WDR4: variants seen among roughly 807,000 people sequenced by gnomAD.
WDR4 encodes the protein WDR4 tRNA N7-guanosine methyltransferase non-catalytic subunit.
Under a neutral mutation model 48.6 loss-of-function variants are expected in WDR4, and 47 were observed. That is an observed-to-expected ratio of 0.97 (90% CI 0.77 to 1.23). WDR4 has a LOEUF of 1.23. WDR4 is among the 50% of genes most tolerant of loss of function. The pLI is 0.00. For missense variants in WDR4, 606 were observed against 551.6 expected, an observed-to-expected ratio of 1.10 and a Z score of -0.99; for synonymous variants, 268 against 230.0, an observed-to-expected ratio of 1.17 and a Z score of -1.49.
intron 6 of WDR4, among the ~76,000 whole-genome samples, chr21:42,857,935 T>G (rs2058032879): frequency 6.6e-6 from 1 of 151,844 alleles, no homozygotes; most frequent in African/African-American, 2.4e-5. Context: ...TACAAAAGTA[T>G]AAAAAATTAG....
chr21:42,874,235 G>A (rs919869627), intron 2 of WDR4, among the ~76,000 whole-genome samples: 3 of 152,150 alleles, frequency 2.0e-5, no homozygotes, highest in Admixed American at 6.5e-5. Flanking sequence ...CATAAATTGT[G>A]AAGATTTCAT....
rs2057905119 is a variant in WDR4, at chr21:42,853,742, C to T, written c.802G>A (p.Val268Ile). ...VALLCDGTPV[V>I]YIFQLDARRQ... The stretch of plus-strand genomic sequence containing the variant: ...CGGGCGTCCAGCTGGAAGATGTAGA[C>T]CACAGGAGTGCTTGCCACGAAGAAA... The change falls in exon 9 of 11, where the codon GTC becomes ATC. Residue 268 changes from valine (V) to isoleucine (I), a missense_variant. By Grantham distance (29) the Val-to-Ile change is conservative (BLOSUM62 3). Transcript: ENST00000398208. 1 of 1,556,860 alleles carries T rather than the reference C, an allele frequency of 6.4e-7. No individual in the cohort carries two copies. Among genetic ancestry groups the T allele is most frequent in the Non-Finnish European group, 8.7e-7 (1 of 1,150,276 alleles).
At chr21:42,845,473 T>C (rs1386647377), downstream of WDR4, among the ~76,000 whole-genome samples, 2 of 152,234 alleles carry the variant, frequency 1.3e-5, no homozygotes, top group East Asian at 1.9e-4. Context: ...GTAACCTTTG[T>C]AGGCTGGCTG....
At chr21:42,850,965 G>A (rs1173238764) in intron 10 of WDR4, among the ~76,000 whole-genome samples, 1 of 152,190 alleles carries the variant, frequency 6.6e-6, no homozygotes, top group East Asian at 1.9e-4. Context: ...TGCCCATCCA[G>A]CAGGTGGCGC....
At chr21:42,887,040 T>G in the WDR4 span, 1 of 152,366 alleles carries the variant, frequency 6.6e-6, no homozygotes, top group Non-Finnish European at 1.5e-5. Context: ...TTGCCCAGGC[T>G]GGAGTGCAAT....
upstream of WDR4, among the ~76,000 whole-genome samples, chr21:42,880,816 T>G (rs2058602175): frequency 6.6e-6 from 1 of 152,206 alleles, no homozygotes; most frequent in Non-Finnish European, 1.5e-5. Context: ...TAAACTGTTC[T>G]GTCCACATTT....
At position 42,873,066 on chromosome 21, in the gene WDR4, A is replaced by G. The variant is rs374424626; in HGVS notation, c.296+485T>C. 1.4e-4 allele frequency among the ~76,000 whole-genome samples: 22 copies of G among 152,042 alleles called. 1 individual carries two copies. In the South Asian group the frequency reaches 2.1e-3, roughly 14 times the overall value. ...CTGGCCTCCCCATCCCCACGGATCC[A>G]CTCCCCATCCACTCTTCAGATACTC... On this transcript the variant is annotated intron_variant, in intron 3 of 10. Transcript: ENST00000398208.
At chr21:42,859,340 C>T (rs967114027) in intron 6 of WDR4, among the ~76,000 whole-genome samples, 1 of 152,164 alleles carries the variant, frequency 6.6e-6, no homozygotes, top group Non-Finnish European at 1.5e-5. Flanking sequence ...GTCAGAGAAG[C>T]CCCCGTCTAC....
At chr21:42,855,436 C>T (rs902872738) in intron 7 of WDR4, among the ~76,000 whole-genome samples, 91 of 152,232 alleles carry the variant, frequency 6.0e-4, no homozygotes, top group Non-Finnish European at 7.3e-5. Flanking sequence ...CCATTCCTTC[C>T]ACTTCAGAGC....
Position 42,879,483 on chromosome 21 carries a change from CA to C in WDR4, c.12del (p.Val5TrpfsTer23). 1 of 1,613,560 alleles carries C rather than the reference CA, an allele frequency of 6.2e-7. No homozygotes were observed. The highest frequency in any genetic ancestry group is 8.5e-7 in the Non-Finnish European group (1 of 1,179,892). On this transcript the variant is annotated frameshift_variant, in exon 1 of 11. Transcript: ENST00000398208. LOFTEE classifies it high-confidence loss of function. MAG[S>X]VGLALCGQTL... ...GTCTGCCCGCACAACGCCAGTCCCA[CA>C]GAGCCCGCCATGTACCCGCCCGCCT... is the stretch of plus-strand genomic sequence containing the variant.
chr21:42,862,345 T>C lies in WDR4; in HGVS notation c.503A>G (p.Lys168Arg), dbSNP rs1288546867. The C allele has an allele frequency of 7.4e-6, 12 of 1,611,944 alleles. No homozygotes were observed. Among genetic ancestry groups the C allele is most frequent in the Non-Finnish European group, 1.0e-5 (12 of 1,179,266 alleles). ...CGCCGCGGCCCAGCTGACTCGGATCTTCTCGTCCCGGTCGGCAGTGAGGAT... is the reference window on the plus strand; with the variant it reads ...CGCCGCGGCCCAGCTGACTCGGATCCTCTCGTCCCGGTCGGCAGTGAGGAT... ...RFILTADRDE[K>R]IRVSWAAAPH... Residue 168 changes from lysine (K) to arginine (R), a missense_variant, in exon 5 of 11, where the codon AAG becomes AGG. By Grantham distance (26) the Lys-to-Arg change is conservative. Transcript: ENST00000398208. The surrounding 1 kb of genome is among the most constrained non-coding windows in gnomAD (Gnocchi z 4.3).
chr21:42,886,446 T>C, the WDR4 span, among the ~76,000 whole-genome samples: 9 of 152,244 alleles, frequency 5.9e-5, no homozygotes, highest in Non-Finnish European at 1.2e-4. Flanking sequence ...AATTTTGTGT[T>C]TGTTGTTGGT....
intron 2 of WDR4, among the ~76,000 whole-genome samples, chr21:42,875,915 G>GTT (rs1569337249): frequency 1.5e-5 from 1 of 68,222 alleles, no homozygotes. Context: ...CTAACACTGT[G>GTT]CTTTTTTTTT....
At chr21:42,878,294 G>A (rs17178758) in intron 1 of WDR4, among the ~76,000 whole-genome samples, 8,569 of 152,148 alleles carry the variant, frequency 0.056, 350 homozygotes, top group Non-Finnish European at 0.088. Context: ...TAAAGCGAGT[G>A]CACCAAAAAA....
At chr21:42,887,823 CAGG>C in the WDR4 span, among the ~76,000 whole-genome samples, 34,789 of 151,714 alleles carry the variant, frequency 0.23, 4,953 homozygotes, top group African/African-American at 0.42. Context: ...GAGGCTGAGG[CAGG>C]AGAACTGCTT....
chr21:42,850,588 G>A (rs1216989601), intron 10 of WDR4, among the ~76,000 whole-genome samples: 2 of 152,176 alleles, frequency 1.3e-5, no homozygotes, highest in African/African-American at 4.8e-5. Flanking sequence ...CAGGTGGCAG[G>A]GGACCAGGAG....
At chr21:42,869,521 ACACCTGTGC>A (rs1338717014) in intron 3 of WDR4, among the ~76,000 whole-genome samples, 1 of 152,068 alleles carries the variant, frequency 6.6e-6, no homozygotes, top group African/African-American at 2.4e-5. Context: ...CTCACCTTAC[ACACCTGTGC>A]CACAGAAAGG....
At chr21:42,885,045 G>A in the WDR4 span, among the ~76,000 whole-genome samples, 1 of 152,018 alleles carries the variant, frequency 6.6e-6, no homozygotes, top group East Asian at 1.9e-4. Flanking sequence ...CAAATTGCTG[G>A]GATTACAGGC....
At chr21:42,853,424 C>T in intron 9 of WDR4, 145 bp downstream of exon 9, 1 of 970,438 alleles carries the variant, frequency 1.0e-6, no homozygotes, top group Non-Finnish European at 1.5e-6. Flanking sequence ...CCAGCCACTG[C>T]CATTCAGGAC....
Sources: gnomAD v4.1 joint callset for allele counts (sites outside exome capture counted in the v4.1 genomes callset) on GRCh38, gnomAD v4.1.1 for gene constraint, Gnocchi (gnomAD v3.1) non-coding constraint, MANE v1.5 for transcripts, NCBI Gene and HGNC (gene_info 2026-07-23, HGNC 2026-07-21) for gene names.